CDS2: variants seen among roughly 807,000 people sequenced by gnomAD.
The protein encoded by CDS2 is CDP-diacylglycerol synthase 2, also known as phosphatidate cytidylyltransferase 2.
Under a neutral mutation model 59.0 loss-of-function variants are expected in CDS2, and 47 were observed. The observed-to-expected ratio is 0.80, with a 90% CI of 0.63 to 1.02. The LOEUF is 1.02. Among genes scored for constraint, CDS2 ranks in the 50% least tolerant of loss-of-function variants. The pLI, the probability that CDS2 is intolerant of heterozygous loss-of-function variation, is 0.00. For missense variants in CDS2, 356 were observed against 558.9 expected (o/e 0.64, Z 3.66); for synonymous variants, 207 against 206.4 (o/e 1.00, Z -0.02).
chr20:5,160,757 C>T (rs902064750), intron 1 of CDS2, among the ~76,000 whole-genome samples: 5 of 152,114 alleles, frequency 3.3e-5, no homozygotes, highest in Admixed American at 3.3e-4. Context: ...TATTTTCTGT[C>T]TCTACGAATT....
intron 1 of CDS2, among the ~76,000 whole-genome samples, chr20:5,158,360 C>T (rs532194573): frequency 4.9e-4 from 74 of 152,032 alleles, no homozygotes; most frequent in African/African-American, 1.6e-3. Flanking sequence ...TTAGTACAGA[C>T]GGGGTTTCAC....
At chr20:5,176,219 G>A (rs535276790) in intron 3 of CDS2, 1 of 161,358 alleles carries the variant, frequency 6.2e-6, no homozygotes, top group South Asian at 1.7e-4. Flanking sequence ...AGGAGTTCGA[G>A]ACCAGCCTGG....
At chr20:5,175,159 T>A (rs1375019016) in intron 2 of CDS2, 24 bp from the exon 3 acceptor site, 1 of 1,583,846 alleles carries the variant, frequency 6.3e-7, no homozygotes, top group Non-Finnish European at 8.7e-7. Flanking sequence ...TGGTGTTTTC[T>A]CCTTCCCCTG....
At position 5,173,695 on chromosome 20, in the gene CDS2, G is replaced by T. The variant is rs561586426; in HGVS notation, c.194+36G>T. 28 of 1,610,464 alleles carry T rather than the reference G, an allele frequency of 1.7e-5. 1 individual carries two copies. The South Asian group carries it at 3.1e-4, about 18-fold the overall frequency. On this transcript the variant is annotated intron_variant, in intron 2 of 12. Transcript: ENST00000460006. Reference sequence around the variant, plus strand: ...TTAATGATGCAGGTGCTTGTTGGGGGCTTTGCACCATGTCCAAGTGCCCTG... The same window carrying T: ...TTAATGATGCAGGTGCTTGTTGGGGTCTTTGCACCATGTCCAAGTGCCCTG...
chr20:5,189,039 A>C (rs768402981), intron 10 of CDS2, 28 bp from the exon 11 acceptor site: 1 of 1,613,710 alleles, frequency 6.2e-7, no homozygotes, highest in South Asian at 1.1e-5. Context: ...GTATGCACCT[A>C]AACTTTTACT....
chr20:5,180,946 T>C (rs2091029532), intron 5 of CDS2, among the ~76,000 whole-genome samples: 1 of 152,176 alleles, frequency 6.6e-6, no homozygotes, highest in Non-Finnish European at 1.5e-5. Context: ...TCAGTATGGT[T>C]AGGGCTATTC....
intron 12 of CDS2, 96 bp from the exon 13 acceptor site, chr20:5,190,006 C>A: frequency 6.7e-7 from 1 of 1,492,712 alleles, no homozygotes; most frequent in Non-Finnish European, 9.2e-7. Flanking sequence ...TAATAGATAA[C>A]TCTCTGATCC....
rs191900016 is a variant in CDS2, at chr20:5,174,345, G to C, written c.194+686G>C. 1.8e-4 allele frequency among the ~76,000 whole-genome samples: 28 copies of C among 152,324 alleles called. 2 individuals are homozygous for C. The East Asian group carries it at 5.4e-3, about 29-fold the overall frequency. On this transcript the variant is annotated intron_variant, in intron 2 of 12. Coordinates refer to ENST00000460006, the MANE Select transcript of CDS2 (RefSeq NM_003818.4). ...CTTGGATTCAGATCCCAGCTTTACT[G>C]TTTGCCAGCTGTTTGACCTGTGCCT...
At chr20:5,175,953 G>A (rs930852790) in intron 3 of CDS2, 2 of 153,534 alleles carry the variant, frequency 1.3e-5, no homozygotes, top group Admixed American at 6.5e-5. Context: ...GAGCTGCTCT[G>A]TCTGTCTTCC....
chr20:5,128,907 A>T (rs1188238460), intron 1 of CDS2, among the ~76,000 whole-genome samples: 2 of 152,200 alleles, frequency 1.3e-5, no homozygotes, highest in African/African-American at 4.8e-5. Flanking sequence ...CTAACTATGT[A>T]CAATAATTAG....
chr20:5,180,972 A>G (rs573366489), intron 5 of CDS2, among the ~76,000 whole-genome samples: 1 of 152,286 alleles, frequency 6.6e-6, no homozygotes, highest in East Asian at 1.9e-4. Context: ...TCGGACACAA[A>G]GTGATATCTG....
At chr20:5,134,781 A>G (rs1331176179) in intron 1 of CDS2, among the ~76,000 whole-genome samples, 5 of 152,224 alleles carry the variant, frequency 3.3e-5, no homozygotes, top group African/African-American at 9.6e-5. Context: ...TTGGCCTTCT[A>G]CAATGCTGGG....
chr20:5,192,480 TG>T lies in CDS2; in HGVS notation c.*2247del, dbSNP rs1361371185. The stretch of plus-strand genomic sequence containing the variant: ...ATGCTTTCTGGAGATGAGGATTTTT[TG>T]TCAGGTAGCTAGGAGAGCACTGCCA... On this transcript the variant is annotated 3_prime_UTR_variant, in exon 13 of 13. Coordinates refer to ENST00000460006, the MANE Select transcript of CDS2 (RefSeq NM_003818.4). 3 of 152,450 alleles carry T rather than the reference TG, an allele frequency of 2.0e-5. No individual in the cohort carries two copies. The highest frequency in any genetic ancestry group is 4.8e-5 in the African/African-American group (2 of 41,464). 9.4% of individuals were successfully genotyped at this position (152,450 alleles called of 1,614,324 possible).
chr20:5,186,541 A>G (rs552401997), intron 9 of CDS2, 146 bp from the exon 10 acceptor site: 20 of 663,436 alleles, frequency 3.0e-5, no homozygotes, highest in African/African-American at 9.1e-5. Context: ...TAAAATATGT[A>G]TGGTAAAACA....
intron 1 of CDS2, among the ~76,000 whole-genome samples, chr20:5,159,838 G>A (rs1018054608): frequency 1.3e-5 from 2 of 151,900 alleles, no homozygotes; most frequent in Non-Finnish European, 2.9e-5. Flanking sequence ...TAATTACCCT[G>A]TTTTTACTTA....
At chr20:5,137,329 C>A (rs769786358) in intron 1 of CDS2, among the ~76,000 whole-genome samples, 1 of 151,136 alleles carries the variant, frequency 6.6e-6, no homozygotes, top group Non-Finnish European at 1.5e-5. Flanking sequence ...CTGCAGCCTC[C>A]GCCTCCCAGG....
chr20:5,181,910 T>G (rs2091036027), intron 5 of CDS2, among the ~76,000 whole-genome samples: 1 of 152,244 alleles, frequency 6.6e-6, no homozygotes, highest in South Asian at 2.1e-4. Flanking sequence ...TATTATAACC[T>G]TAGGGAACTG....
intron 1 of CDS2, 109 bp from the exon 2 acceptor site, chr20:5,173,414 A>G: frequency 8.1e-7 from 1 of 1,241,852 alleles, no homozygotes; most frequent in East Asian, 2.3e-5. Context: ...CCAGGTTCTT[A>G]GGCCCTGTTT....
At chr20:5,150,805 C>T (rs1273695019) in intron 1 of CDS2, among the ~76,000 whole-genome samples, 1 of 152,240 alleles carries the variant, frequency 6.6e-6, no homozygotes, top group East Asian at 1.9e-4. Context: ...GTGCTGTCTC[C>T]TCAGCAGATG....
Sources: gnomAD v4.1 joint callset for allele counts (sites outside exome capture counted in the v4.1 genomes callset) on GRCh38, gnomAD v4.1.1 for gene constraint, MANE v1.5 for transcripts, NCBI Gene and HGNC (gene_info 2026-07-23, HGNC 2026-07-21) for gene names.